PRKD3: variants seen among roughly 807,000 people sequenced by gnomAD.
PRKD3 encodes the protein serine/threonine-protein kinase D3.
A neutral mutation model predicts 99.2 loss-of-function variants in PRKD3; 47 were observed. That is an observed-to-expected ratio of 0.47 (90% confidence interval 0.38 to 0.60). PRKD3 has a LOEUF of 0.60. Ranked by LOEUF, PRKD3 falls within the 20% of genes least tolerant of loss-of-function variation. The pLI is 0.00. For missense variants in PRKD3, 1,019 were observed against 1,088.4 expected, an observed-to-expected ratio of 0.94 and a Z score of 0.90; for synonymous variants, 392 against 355.4, an observed-to-expected ratio of 1.10 and a Z score of -1.16.
intron 17 of PRKD3, among the ~76,000 whole-genome samples, chr2:37,255,961 C>G (rs1277427357): frequency 6.6e-6 from 1 of 152,164 alleles, no homozygotes; most frequent in African/African-American, 2.4e-5. Context: ...CTGCAGTGAG[C>G]TGTGTTTGTG....
Position 37,279,944 on chromosome 2 carries a change from A to G in PRKD3, c.989-15T>C. 6.4e-7 allele frequency: 1 copy of G among 1,558,588 alleles called. No homozygotes were observed. The highest frequency in any genetic ancestry group is 1.2e-5 in the South Asian group (1 of 83,750). Reference sequence around the variant, plus strand: ...ACTGGAAGGTTCTGGGAAAATTTTAAATGAATTTCAGAGTTTTATATTAAT... The same window carrying G: ...ACTGGAAGGTTCTGGGAAAATTTTAGATGAATTTCAGAGTTTTATATTAAT... On this transcript the variant is annotated splice_polypyrimidine_tract_variant and intron_variant, in intron 7 of 18. Transcript: ENST00000234179.
chr2:37,280,827 T>C (rs756445693), intron 7 of PRKD3, among the ~76,000 whole-genome samples: 7 of 152,112 alleles, frequency 4.6e-5, no homozygotes, highest in Non-Finnish European at 1.0e-4. Flanking sequence ...TGAAAGCCCA[T>C]AGAATGGGAG....
intron 3 of PRKD3, among the ~76,000 whole-genome samples, chr2:37,291,332 A>G (rs1670413368): frequency 6.6e-6 from 1 of 152,242 alleles, no homozygotes; most frequent in Non-Finnish European, 1.5e-5. Flanking sequence ...ATAGAACACT[A>G]AAGTAAAAAC....
chr2:37,275,216 A>T (rs775481578), intron 10 of PRKD3, among the ~76,000 whole-genome samples: 1 of 152,108 alleles, frequency 6.6e-6, no homozygotes, highest in Non-Finnish European at 1.5e-5. Context: ...CTAAAAACAA[A>T]CAAACAAAAA....
In PRKD3 at chr2:37,269,533, T is replaced by A. The variant is rs773952022; in HGVS notation, c.1777+82A>T. The A allele has an allele frequency of 4.8e-6, 6 of 1,257,796 alleles. No homozygotes were observed. In the African/African-American group the frequency reaches 7.4e-5, roughly 15 times the overall value. 77.9% of individuals were successfully genotyped at this position (1,257,796 alleles called of 1,614,324 possible). A position where few individuals can be genotyped will look rare whatever the true frequency, so the allele number is the denominator to read the frequency against. ...AAAGGCACTGGACAAAACTATGAGA[T>A]GACAAAACAGCTGGCAGATGTTTTA... On this transcript the variant is annotated intron_variant, in intron 13 of 18. Coordinates refer to ENST00000234179, the MANE Select transcript of PRKD3 (RefSeq NM_005813.6).
chr2:37,302,914 C>T (rs1457758294), intron 2 of PRKD3, among the ~76,000 whole-genome samples: 1 of 152,068 alleles, frequency 6.6e-6, no homozygotes, highest in Non-Finnish European at 1.5e-5. Context: ...AAACCCATTG[C>T]CCAAAGTGAG....
chr2:37,324,114 G>GGAACAATGCTGCAACTAGCAAATCC, intron 1 of PRKD3: 2 of 942,758 alleles, frequency 2.1e-6, no homozygotes, highest in African/African-American at 3.5e-5. Context: ...GGAGCAACTC[G>GGAACAATGCTGCAACTAGCAAATCC]GAACAATGCT....
chr2:37,288,243 T>C (rs1670215140), intron 5 of PRKD3, among the ~76,000 whole-genome samples: 1 of 152,212 alleles, frequency 6.6e-6, no homozygotes, highest in Non-Finnish European at 1.5e-5. Context: ...CAGTTCAGTG[T>C]ATAAGATGCA....
chr2:37,291,044 C>A, intron 3 of PRKD3, 45 bp from the exon 4 acceptor site: 1 of 1,520,836 alleles, frequency 6.6e-7, no homozygotes, highest in South Asian at 1.3e-5. Context: ...ATTTGTACTG[C>A]GATGAGATTA....
intron 2 of PRKD3, among the ~76,000 whole-genome samples, chr2:37,307,901 T>C (rs188706182): frequency 2.0e-4 from 30 of 152,370 alleles, no homozygotes; most frequent in African/African-American, 6.5e-4. Context: ...GTATATGTTT[T>C]GTGATATTCT....
intron 13 of PRKD3, 36 bp from the exon 14 acceptor site, chr2:37,267,572 AACTG>A (rs1257096922): frequency 7.0e-6 from 10 of 1,422,974 alleles, no homozygotes; most frequent in Admixed American, 1.7e-5. Context: ...GAATGAAGCA[AACTG>A]ACAGCTTTAT....
intron 3 of PRKD3, among the ~76,000 whole-genome samples, chr2:37,292,511 A>AT (rs1373909089): frequency 2.0e-5 from 3 of 151,424 alleles, no homozygotes; most frequent in Admixed American, 6.6e-5. Flanking sequence ...GCCTGGCCAA[A>AT]TTTTTTTTGT....
chr2:37,316,324 G>C lies in PRKD3; in HGVS notation c.201C>G (p.Gly67=). ...VHTVSFLLQI[G]LTRESVTIEA... ...CAATGGTAACACTCTCCCGTGTGAG[G>C]CCAATTTGCAGTAGAAATGAAACTG... The change falls in exon 2 of 19, where the codon GGC becomes GGG. Residue 67 remains glycine (G), a synonymous_variant. Transcript: ENST00000234179. 6.2e-7 allele frequency: 1 copy of C among 1,614,218 alleles called. No homozygotes were observed. Among genetic ancestry groups the C allele is most frequent in the Non-Finnish European group, 8.5e-7 (1 of 1,180,030 alleles).
At chr2:37,305,260 T>C (rs889372933) in intron 2 of PRKD3, among the ~76,000 whole-genome samples, 1 of 152,188 alleles carries the variant, frequency 6.6e-6, no homozygotes, top group African/African-American at 2.4e-5. Context: ...AACTCCTCAA[T>C]TAGGCTACAT....
chr2:37,297,242 G>C (rs1670714635), intron 2 of PRKD3, among the ~76,000 whole-genome samples: 2 of 152,084 alleles, frequency 1.3e-5, no homozygotes, highest in Non-Finnish European at 2.9e-5. Flanking sequence ...TTATGGTTAA[G>C]CTCCTGAGGA....
At chr2:37,323,503 G>A (rs1338074768) in intron 1 of PRKD3, among the ~76,000 whole-genome samples, 2 of 151,962 alleles carry the variant, frequency 1.3e-5, no homozygotes, top group Non-Finnish European at 2.9e-5. Flanking sequence ...TTGGCTGAAT[G>A]TCCATGCTTG....
chr2:37,269,384 T>C, intron 13 of PRKD3: 1 of 525,318 alleles, frequency 1.9e-6, no homozygotes, highest in Non-Finnish European at 3.4e-6. Flanking sequence ...CAAGAAGAGA[T>C]AAAACACACT....
chr2:37,292,243 TTTTA>T lies in PRKD3; in HGVS notation c.427+886_427+889del, dbSNP rs549093407. ...AAAAAACAGAATTTCAGTGTAACTG[TTTTA>T]TTTCTTTGACTCAGAGAAGAGTATA... On this transcript the variant is annotated intron_variant, in intron 3 of 18. Transcript: ENST00000234179. 1.0e-3 allele frequency among the ~76,000 whole-genome samples: 158 copies of T among 152,326 alleles called. 1 individual carries two copies. The highest frequency in any genetic ancestry group is 6.8e-3 in the Middle Eastern group (2 of 294).
rs569556487 is a variant in PRKD3, at chr2:37,284,531, C to A, written c.910+1646G>T. 2.6e-5 allele frequency among the ~76,000 whole-genome samples: 4 copies of A among 152,254 alleles called. No homozygotes were observed. The South Asian group carries it at 8.3e-4, about 32-fold the overall frequency. ...TACCTTCATTAAGATTATTTGTTGG[C>A]TAGAATGTGTACATCTGTTACTAAT... On this transcript the variant is annotated intron_variant, in intron 6 of 18. Coordinates refer to ENST00000234179, the MANE Select transcript of PRKD3 (RefSeq NM_005813.6).
Sources: gnomAD v4.1 joint callset for allele counts (sites outside exome capture counted in the v4.1 genomes callset) on GRCh38, gnomAD v4.1.1 for gene constraint, MANE v1.5 for transcripts, NCBI Gene and HGNC (gene_info 2026-07-23, HGNC 2026-07-21) for gene names.